The following KCNIP4 variants were observed in gnomAD, a reference collection of about 807,000 sequenced individuals.
KCNIP4 encodes the protein potassium voltage-gated channel interacting protein 4.
Under a neutral mutation model 34.0 loss-of-function variants are expected in KCNIP4, and 12 were observed. The ratio of observed to expected loss-of-function variants is 0.35; its 90% CI spans 0.23 to 0.57. KCNIP4 has a LOEUF of 0.57. Ranked by LOEUF, KCNIP4 falls within the 20% of genes least tolerant of loss-of-function variation. The pLI, the probability that KCNIP4 is intolerant of heterozygous loss-of-function variation, is 0.83. For synonymous variants in KCNIP4, 124 were observed against 102.2 expected, an observed-to-expected ratio of 1.21 and a Z score of -1.29; for missense variants, 238 against 311.7, an observed-to-expected ratio of 0.76 and a Z score of 1.78.
At chr4:21,897,231 T>C (rs1727443294) in intron 1 of KCNIP4, among the ~76,000 whole-genome samples, 1 of 150,600 alleles carries the variant, frequency 6.6e-6, no homozygotes, top group Admixed American at 6.6e-5. Context: ...TCTATAGAAA[T>C]AGAGATTTGA....
At chr4:21,306,813 G>A (rs1017478087) in intron 1 of KCNIP4, among the ~76,000 whole-genome samples, 5 of 151,566 alleles carry the variant, frequency 3.3e-5, no homozygotes, top group Admixed American at 6.6e-5. Context: ...AACATATGTA[G>A]GCAGGAACTT....
intron 1 of KCNIP4, among the ~76,000 whole-genome samples, chr4:21,293,918 G>C (rs547546347): frequency 6.6e-6 from 1 of 152,146 alleles, no homozygotes; most frequent in Non-Finnish European, 1.5e-5. Context: ...CTATCTGGGA[G>C]GCAGGAACAC....
At chr4:20,915,849 T>C (rs145497689) in intron 1 of KCNIP4, among the ~76,000 whole-genome samples, 45 of 152,314 alleles carry the variant, frequency 3.0e-4, no homozygotes, top group African/African-American at 1.1e-3. Context: ...TTTCCCTCAG[T>C]TTAACATTGC....
intron 1 of KCNIP4, among the ~76,000 whole-genome samples, chr4:21,693,562 C>G (rs1711928316): frequency 6.6e-6 from 1 of 151,334 alleles, no homozygotes; most frequent in African/African-American, 2.4e-5. Flanking sequence ...GACTCCGTCT[C>G]AAAAATAAAT....
At chr4:21,006,083 G>A (rs986474441) in intron 1 of KCNIP4, among the ~76,000 whole-genome samples, 1 of 152,128 alleles carries the variant, frequency 6.6e-6, no homozygotes, top group African/African-American at 2.4e-5. Context: ...ACACAAACCA[G>A]AATTAGTAGA....
intron 1 of KCNIP4, among the ~76,000 whole-genome samples, chr4:21,643,702 A>G (rs1182084156): frequency 6.6e-6 from 1 of 152,172 alleles, no homozygotes; most frequent in Admixed American, 6.5e-5. Flanking sequence ...CCCTTCAGCA[A>G]GAAGAAACTC....
rs1213671594 is a variant in KCNIP4 at position 21,082,184 on chromosome 4, C to A, written c.62-199475G>T. Among the ~76,000 whole-genome samples the A allele has an allele frequency of 4.0e-5, 6 of 151,714 alleles. 1 individual carries two copies. The highest frequency in any genetic ancestry group is 1.5e-4 in the African/African-American group (6 of 41,282). ...TTAGAAATAAATATAATGATTTTTTCTCATGCTGATTTTTAAGAGTTTAAA... is the reference window on the plus strand; with the variant it reads ...TTAGAAATAAATATAATGATTTTTTATCATGCTGATTTTTAAGAGTTTAAA... On this transcript the variant is annotated intron_variant, in intron 1 of 8. Transcript: ENST00000382152.
At chr4:20,921,185 C>A (rs186249675) in intron 1 of KCNIP4, among the ~76,000 whole-genome samples, 4 of 151,920 alleles carry the variant, frequency 2.6e-5, no homozygotes, top group African/African-American at 9.7e-5. Flanking sequence ...GAGGTGTTCC[C>A]GAGGCAAAAC....
At chr4:20,803,403 G>A (rs1228456535) in intron 3 of KCNIP4, among the ~76,000 whole-genome samples, 1 of 147,590 alleles carries the variant, frequency 6.8e-6, no homozygotes, top group Non-Finnish European at 1.5e-5. Context: ...AGGCTAAGGT[G>A]GGTGGAATGC....
intron 1 of KCNIP4, among the ~76,000 whole-genome samples, chr4:21,075,620 G>A (rs563886299): frequency 6.6e-6 from 1 of 152,232 alleles, no homozygotes; most frequent in African/African-American, 2.4e-5. Context: ...CTTTTAAGTG[G>A]AGCATTTAGT....
At chr4:21,697,792 T>A in intron 1 of KCNIP4, 1 of 400,846 alleles carries the variant, frequency 2.5e-6, no homozygotes, top group Non-Finnish European at 3.6e-6. Context: ...CACAGACCAT[T>A]CAGAGGGAGG....
At chr4:21,273,756 C>T (rs1439854914) in intron 1 of KCNIP4, among the ~76,000 whole-genome samples, 1 of 152,150 alleles carries the variant, frequency 6.6e-6, no homozygotes, top group Non-Finnish European at 1.5e-5. Context: ...ACCCAAATCC[C>T]ATGAAAGGTG....
intron 1 of KCNIP4, among the ~76,000 whole-genome samples, chr4:21,772,532 C>A (rs1718872271): frequency 6.6e-6 from 1 of 152,106 alleles, no homozygotes; most frequent in Non-Finnish European, 1.5e-5. Flanking sequence ...TGGTAGAATT[C>A]AGCTGTGAAT....
intron 1 of KCNIP4, among the ~76,000 whole-genome samples, chr4:21,458,579 T>G (rs1195613473): frequency 6.6e-6 from 1 of 152,022 alleles, no homozygotes; most frequent in Non-Finnish European, 1.5e-5. Context: ...AGAGGTATAG[T>G]AGGAAAAGTA....
At chr4:21,863,923 T>G (rs777328347) in intron 1 of KCNIP4, among the ~76,000 whole-genome samples, 11 of 151,046 alleles carry the variant, frequency 7.3e-5, no homozygotes, top group Admixed American at 2.6e-4. Flanking sequence ...AATGCAAATA[T>G]TAAACAACCT....
intron 1 of KCNIP4, among the ~76,000 whole-genome samples, chr4:21,475,122 C>T (rs1332355150): frequency 6.6e-6 from 1 of 152,062 alleles, no homozygotes; most frequent in Non-Finnish European, 1.5e-5. Flanking sequence ...TTCATACTCT[C>T]TCCTAACATA....
intron 1 of KCNIP4, among the ~76,000 whole-genome samples, chr4:21,781,938 C>A (rs1719599012): frequency 6.6e-6 from 1 of 151,070 alleles, no homozygotes; most frequent in African/African-American, 2.4e-5. Flanking sequence ...CACTAGAAAA[C>A]CAACAGGAAA....
intron 1 of KCNIP4, among the ~76,000 whole-genome samples, chr4:21,722,840 C>T (rs1191863878): frequency 6.6e-6 from 1 of 152,072 alleles, no homozygotes; most frequent in African/African-American, 2.4e-5. Context: ...TTGTGCCACT[C>T]TATGGTTAAA....
chr4:21,200,300 G>GTATATATATACATACATATATGTGTGTA (rs1560803163), intron 1 of KCNIP4, among the ~76,000 whole-genome samples: 20 of 136,328 alleles, frequency 1.5e-4, no homozygotes, highest in East Asian at 6.7e-4. Context: ...GTGTGTGTGT[G>GTATATATATACATACATATATGTGTGTA]TATATATATA....
Sources: allele counts gnomAD v4.1 joint callset (sites outside exome capture counted in the v4.1 genomes callset), GRCh38; gene constraint gnomAD v4.1.1; transcripts MANE v1.5; gene names NCBI Gene and HGNC (gene_info 2026-07-23, HGNC 2026-07-21).